The following FGF1 variants were observed in gnomAD, a reference collection of about 807,000 sequenced individuals.
The protein encoded by FGF1 is fibroblast growth factor 1, also known as beta-endothelial cell growth factor.
FGF1 carries 9 observed loss-of-function variants against 13.4 expected under a neutral mutation model. The observed-to-expected ratio is 0.67, with a 90% confidence interval of 0.40 to 1.17. FGF1 has a LOEUF of 1.17. Ranked by LOEUF, FGF1 falls within the 50% of genes most tolerant of loss-of-function variation. FGF1 has a pLI of 0.01. For missense variants in FGF1, 156 were observed against 192.7 expected, an observed-to-expected ratio of 0.81 and a Z score of 1.13; for synonymous variants, 93 against 79.0, an observed-to-expected ratio of 1.18 and a Z score of -0.94.
intron 1 of FGF1, among the ~76,000 whole-genome samples, chr5:142,634,694 G>A (rs990925124): frequency 1.2e-4 from 19 of 152,200 alleles, no homozygotes; most frequent in African/African-American, 4.6e-4. Flanking sequence ...TATTATTAAT[G>A]TCTTTCATCC....
At chr5:142,622,559 G>C (rs1021318688) in intron 1 of FGF1, among the ~76,000 whole-genome samples, 6 of 152,102 alleles carry the variant, frequency 3.9e-5, no homozygotes, top group Non-Finnish European at 7.4e-5. Flanking sequence ...AAATACTATG[G>C]AAACTAAGGA....
intron 1 of FGF1, among the ~76,000 whole-genome samples, chr5:142,667,081 AT>A (rs765945689): frequency 6.6e-6 from 1 of 151,776 alleles, no homozygotes; most frequent in Non-Finnish European, 1.5e-5. Flanking sequence ...GGAGTTCGAG[AT>A]CAGCCTGGCC....
intron 1 of FGF1, among the ~76,000 whole-genome samples, chr5:142,683,821 CAA>C (rs768317949): frequency 2.6e-4 from 13 of 49,738 alleles, no homozygotes; most frequent in East Asian, 6.7e-4. Context: ...AACTCTGTCT[CAA>C]AAAAAAAAAA....
chr5:142,664,736 G>C (rs988751810), intron 1 of FGF1, among the ~76,000 whole-genome samples: 1 of 152,186 alleles, frequency 6.6e-6, no homozygotes, highest in Non-Finnish European at 1.5e-5. Context: ...CTTCTAAGCT[G>C]GTTGAGTCTT....
chr5:142,652,930 T>C (rs1453357671), intron 1 of FGF1, among the ~76,000 whole-genome samples: 4 of 152,220 alleles, frequency 2.6e-5, no homozygotes, highest in African/African-American at 9.6e-5. Flanking sequence ...TCAAATAAGA[T>C]TTGTTTTCTT....
upstream of FGF1, among the ~76,000 whole-genome samples, chr5:142,687,682 CT>C (rs1298747376): frequency 6.6e-6 from 1 of 152,150 alleles, no homozygotes; most frequent in Non-Finnish European, 1.5e-5. Flanking sequence ...CATGTTAACC[CT>C]TTTTAACTAC....
At chr5:142,672,803 C>A (rs144426460) in intron 1 of FGF1, among the ~76,000 whole-genome samples, 1 of 152,114 alleles carries the variant, frequency 6.6e-6, no homozygotes, top group African/African-American at 2.4e-5. Flanking sequence ...CCGCCCCCTG[C>A]CTTCTATGCA....
intron 1 of FGF1, among the ~76,000 whole-genome samples, chr5:142,631,933 G>A (rs1172201422): frequency 2.0e-5 from 3 of 152,014 alleles, no homozygotes; most frequent in Non-Finnish European, 4.4e-5. Flanking sequence ...ACAGGCGTGT[G>A]CCACCATGCC....
At chr5:142,615,099 GA>G (rs1457596433) in intron 1 of FGF1, among the ~76,000 whole-genome samples, 1 of 152,088 alleles carries the variant, frequency 6.6e-6, no homozygotes, top group East Asian at 1.9e-4. Context: ...CAAAACCAAT[GA>G]GCATTAGAAT....
intron 2 of FGF1, among the ~76,000 whole-genome samples, chr5:142,610,856 G>A (rs1036102605): frequency 6.6e-6 from 1 of 152,154 alleles, no homozygotes; most frequent in Non-Finnish European, 1.5e-5. Flanking sequence ...TATAAGGAAG[G>A]TTAGGTACTT....
At chr5:142,692,783 T>G (rs1247963951) in intron 2 of FGF1, among the ~76,000 whole-genome samples, 3 of 151,856 alleles carry the variant, frequency 2.0e-5, no homozygotes, top group Admixed American at 6.6e-5. Context: ...TAACCCCAAA[T>G]TAAGAACTTC....
chr5:142,673,746 G>A (rs78909733), intron 1 of FGF1, among the ~76,000 whole-genome samples: 4 of 152,100 alleles, frequency 2.6e-5, no homozygotes, highest in African/African-American at 9.7e-5. Flanking sequence ...GGTGATTAGG[G>A]TCAGTTCTCC....
chr5:142,684,589 G>A (rs1223683501), intron 1 of FGF1, among the ~76,000 whole-genome samples: 3 of 152,158 alleles, frequency 2.0e-5, no homozygotes, highest in South Asian at 2.1e-4. Context: ...GACTTTCCTC[G>A]GAAGCCCTCA....
At chr5:142,637,934 G>T (rs945267027) in intron 1 of FGF1, among the ~76,000 whole-genome samples, 3 of 152,066 alleles carry the variant, frequency 2.0e-5, no homozygotes, top group Admixed American at 6.5e-5. Context: ...TTATGACTCT[G>T]TGGGGCTTGG....
At position 142,592,695 on chromosome 5, in the gene FGF1, T is replaced by A; in HGVS notation, c.*2595A>T. 1 of 370,462 alleles carries A rather than the reference T, an allele frequency of 2.7e-6. No individual in the cohort carries two copies. The highest frequency in any genetic ancestry group is 4.8e-6 in the Non-Finnish European group (1 of 208,500). 22.9% of individuals were successfully genotyped at this position (370,462 alleles called of 1,614,324 possible). ...CTTCTAAGAAGATCTGACAGGCTCT[T>A]TGGCTGATTTGAAAGCAGTCCCCCT... On this transcript the variant is annotated 3_prime_UTR_variant, in exon 4 of 4. Coordinates refer to ENST00000337706, the MANE Select transcript of FGF1 (RefSeq NM_000800.5).
intron 2 of FGF1, among the ~76,000 whole-genome samples, chr5:142,612,336 A>G (rs1009028173): frequency 6.6e-6 from 1 of 152,234 alleles, no homozygotes; most frequent in Non-Finnish European, 1.5e-5. Flanking sequence ...TTTTTACTCC[A>G]GAAGTCAAGG....
chr5:142,595,389 A>G lies in FGF1; in HGVS notation c.369T>C (p.Phe123=), dbSNP rs376396733. ...ISKKHAEKNW[F]VGLKKNGSCK... ...AGCTCCCATTCTTCTTGAGGCCAAC[A>G]AACCAATTCTTCTCTGCATGCTTCT... is the stretch of plus-strand genomic sequence containing the variant. The change falls in exon 4 of 4, where the codon TTT becomes TTC. Residue 123 remains phenylalanine (F), a synonymous_variant. Coordinates refer to ENST00000337706, the MANE Select transcript of FGF1 (RefSeq NM_000800.5). The G allele has an allele frequency of 5.8e-5, 94 of 1,613,956 alleles. No individual in the cohort carries two copies. Among genetic ancestry groups the G allele is most frequent in the Non-Finnish European group, 7.4e-5 (87 of 1,179,952 alleles).
At chr5:142,676,213 C>T (rs1220941753) in intron 1 of FGF1, among the ~76,000 whole-genome samples, 3 of 152,202 alleles carry the variant, frequency 2.0e-5, no homozygotes, top group African/African-American at 7.2e-5. Flanking sequence ...AGTACATTCT[C>T]ATGAAGACTT....
intron 1 of FGF1, among the ~76,000 whole-genome samples, chr5:142,647,550 G>A (rs748081094): frequency 2.6e-5 from 4 of 152,026 alleles, no homozygotes; most frequent in Non-Finnish European, 5.9e-5. Context: ...CTCACCAATG[G>A]GCCTAAGATG....
Sources: allele counts gnomAD v4.1 joint callset (sites outside exome capture counted in the v4.1 genomes callset), GRCh38; gene constraint gnomAD v4.1.1; transcripts MANE v1.5; gene names NCBI Gene and HGNC (gene_info 2026-07-23, HGNC 2026-07-21).